Variants in EPC1 observed in about 807,000 individuals in gnomAD.
EPC1 encodes the protein enhancer of polycomb 1.
Under a neutral mutation model 98.4 loss-of-function variants are expected in EPC1, and 12 were observed. That is an observed-to-expected ratio of 0.12 (90% CI 0.08 to 0.20). EPC1 has a LOEUF of 0.20. Among genes scored for constraint, EPC1 ranks in the 10% least tolerant of loss-of-function variants. EPC1 has a pLI of 1.00. For missense variants in EPC1, 729 were observed against 990.5 expected, an observed-to-expected ratio of 0.74 and a Z score of 3.54; for synonymous variants, 357 against 363.9, an observed-to-expected ratio of 0.98 and a Z score of 0.21.
Position 32,373,775 on chromosome 10 carries a change from G to A in EPC1, c.3+4716C>T, listed in dbSNP as rs1461112173. ...TTGCTGATGTTATGGCAACGTAAAA[G>A]GTTAAAGTATCTTAATAACATTGTT... On this transcript the variant is annotated intron_variant, in intron 1 of 13. Transcript: ENST00000375110. Among the ~76,000 whole-genome samples, 7 of 152,298 alleles carry A rather than the reference G, an allele frequency of 4.6e-5. 1 individual carries two copies. The South Asian group carries it at 1.5e-3, about 32-fold the overall frequency.
intron 1 of EPC1, among the ~76,000 whole-genome samples, chr10:32,326,997 CAA>C (rs139000044): frequency 0.043 from 3,270 of 75,334 alleles, 125 homozygotes; most frequent in African/African-American, 0.12. Context: ...AGAGGGTCCT[CAA>C]AAAAAAAAAA....
chr10:32,296,026 C>A (rs1173418351), intron 2 of EPC1, among the ~76,000 whole-genome samples: 1 of 151,620 alleles, frequency 6.6e-6, no homozygotes, highest in Non-Finnish European at 1.5e-5. Flanking sequence ...CGGGTTCAAG[C>A]GATTCTCCTG....
At chr10:32,366,107 T>C (rs980657140) in intron 1 of EPC1, among the ~76,000 whole-genome samples, 23 of 152,300 alleles carry the variant, frequency 1.5e-4, no homozygotes, top group African/African-American at 4.6e-4. Flanking sequence ...CACTCCAGCC[T>C]GGGCAACAAA....
intron 11 of EPC1, among the ~76,000 whole-genome samples, chr10:32,272,788 A>T (rs1835903424): frequency 6.6e-6 from 1 of 152,240 alleles, no homozygotes; most frequent in South Asian, 2.1e-4. Context: ...CTTTAGGTTT[A>T]AAAGTTATCT....
chr10:32,346,477 G>A (rs974035841), intron 1 of EPC1: 5 of 376,050 alleles, frequency 1.3e-5, no homozygotes, highest in Non-Finnish European at 2.4e-5. Context: ...AATGGCTGCC[G>A]GCAGCTTCGT....
intron 1 of EPC1, among the ~76,000 whole-genome samples, chr10:32,372,284 G>A (rs1009218466): frequency 3.3e-5 from 5 of 152,152 alleles, no homozygotes; most frequent in Non-Finnish European, 7.4e-5. Context: ...ACCAAAGTTT[G>A]CAATCCACTG....
chr10:32,358,980 T>C (rs541406606), intron 1 of EPC1, among the ~76,000 whole-genome samples: 12 of 152,308 alleles, frequency 7.9e-5, no homozygotes, highest in Admixed American at 7.8e-4. Context: ...TCACCATGTA[T>C]AGGCTCAGGG....
chr10:32,313,924 G>A (rs1836404558), intron 1 of EPC1, among the ~76,000 whole-genome samples: 1 of 151,616 alleles, frequency 6.6e-6, no homozygotes, highest in African/African-American at 2.4e-5. Context: ...AAGAGAAGAG[G>A]GAATAGAGGG....
intron 1 of EPC1, among the ~76,000 whole-genome samples, chr10:32,315,652 A>G (rs1172599104): frequency 2.0e-5 from 3 of 152,194 alleles, no homozygotes; most frequent in African/African-American, 4.8e-5. Flanking sequence ...CCTGAGCTGA[A>G]TTATTTTCTC....
chr10:32,305,515 T>TC (rs1835827924), intron 2 of EPC1, among the ~76,000 whole-genome samples: 1 of 152,080 alleles, frequency 6.6e-6, no homozygotes, highest in African/African-American at 2.4e-5. Context: ...TTTTTTTTTT[T>TC]TCTTATCCTT....
chr10:32,325,043 A>G (rs1263183400), intron 1 of EPC1, among the ~76,000 whole-genome samples: 2 of 152,192 alleles, frequency 1.3e-5, no homozygotes, highest in South Asian at 2.1e-4. Context: ...AAAACCTTGA[A>G]TTAATTTTTA....
chr10:32,353,770 AT>A lies in EPC1; in HGVS notation c.3+24720del. 5.9e-5 allele frequency among the ~76,000 whole-genome samples: 9 copies of A among 152,342 alleles called. 3 individuals carry two copies. Among genetic ancestry groups the A allele is most frequent in the Admixed American group, 5.9e-4 (9 of 15,302 alleles). On this transcript the variant is annotated intron_variant, in intron 1 of 13. Coordinates refer to the EPC1 transcript ENST00000375110. ...CATTAAAAAGTGATGTAGTGCAATA[AT>A]TTAAAGCATTCTGCAAAAGTATGAA...
chr10:32,283,957 A>G (rs1210693054), intron 10 of EPC1: 1 of 152,220 alleles, frequency 6.6e-6, no homozygotes, highest in Non-Finnish European at 1.5e-5. Context: ...CAACTTAACT[A>G]TAACCCTACA....
chr10:32,284,900 G>A lies in EPC1; in HGVS notation c.1542C>T (p.Leu514=). Residue 514 remains leucine, a synonymous_variant, in exon 10 of 14, where the codon CTC becomes CTT. Transcript: ENST00000319778. ...NTSDKSFSKD[L]SQILVNIKSC... ...ATTTGATATTGACTAGTATCTGACT[G>A]AGGTCTTTAGAGAAAGATTTGTCCG... 6.2e-7 allele frequency: 1 copy of A among 1,614,178 alleles called. No homozygotes were observed. The highest frequency in any genetic ancestry group is 8.5e-7 in the Non-Finnish European group (1 of 1,180,032).
At chr10:32,367,221 C>T (rs935946932) in intron 1 of EPC1, among the ~76,000 whole-genome samples, 1 of 152,160 alleles carries the variant, frequency 6.6e-6, no homozygotes, top group Non-Finnish European at 1.5e-5. Context: ...GAACTCCTGA[C>T]CTCAAGTGAT....
At chr10:32,334,005 A>G (rs1160557469) in intron 1 of EPC1, among the ~76,000 whole-genome samples, 1 of 152,358 alleles carries the variant, frequency 6.6e-6, no homozygotes. Flanking sequence ...AGATAAGAAA[A>G]CTAGTCAGTT....
At chr10:32,312,471 T>C (rs1836297085) in intron 1 of EPC1, among the ~76,000 whole-genome samples, 2 of 152,312 alleles carry the variant, frequency 1.3e-5, no homozygotes, top group East Asian at 1.9e-4. Context: ...AGTATAGATA[T>C]ATATCTCAAT....
chr10:32,310,279 A>G (rs1276806241), intron 1 of EPC1, among the ~76,000 whole-genome samples: 1 of 152,190 alleles, frequency 6.6e-6, no homozygotes, highest in Non-Finnish European at 1.5e-5. Flanking sequence ...TACTAACTCT[A>G]TGACTTTGGG....
At chr10:32,283,128 G>A (rs1242702428) in intron 10 of EPC1, 3 of 152,122 alleles carry the variant, frequency 2.0e-5, no homozygotes, top group African/African-American at 7.2e-5. Flanking sequence ...TAGAAGTACA[G>A]CTGACCCTTG....
Sources: gnomAD v4.1 joint callset for allele counts (sites outside exome capture counted in the v4.1 genomes callset) on GRCh38, gnomAD v4.1.1 for gene constraint, MANE v1.5 for transcripts, NCBI Gene and HGNC (gene_info 2026-07-23, HGNC 2026-07-21) for gene names.